Variants in DNMT3A observed in about 807,000 individuals in gnomAD.
The protein encoded by DNMT3A is DNA (cytosine-5)-methyltransferase 3A.
In DNMT3A, 267 loss-of-function variants were observed where a neutral mutation model predicts 117.6. The ratio of observed to expected loss-of-function variants is 2.27; its 90% confidence interval spans 2.05 to 2.51. The LOEUF is 2.51. DNMT3A is among the 30% of genes most tolerant of loss of function. The pLI is 0.00. For missense variants in DNMT3A, 1,029 were observed against 1,260.2 expected, an observed-to-expected ratio of 0.82 and a Z score of 2.78; for synonymous variants, 432 against 474.8, an observed-to-expected ratio of 0.91 and a Z score of 1.17.
Position 25,282,917 on chromosome 2 carries a change from G to C in DNMT3A, c.178-206C>G, listed in dbSNP as rs1226216047. Among the ~76,000 whole-genome samples the C allele has an allele frequency of 6.6e-6, 1 of 152,112 alleles. No homozygotes were observed. Among genetic ancestry groups the C allele is most frequent in the Non-Finnish European group, 1.5e-5 (1 of 68,026 alleles). On this transcript the variant is annotated intron_variant, in intron 3 of 22. Transcript: ENST00000321117. This position sits in a 1 kb window ranked among gnomAD's most constrained non-coding sequence, Gnocchi z 5.2. The stretch of plus-strand genomic sequence containing the variant: ...CCTGGGCTTGACCCCTTGAAATCAC[G>C]AGTCTGTGGACTCCAGCTTCAGAAA...
chr2:25,326,108 ATGTGTG>A (rs61521265), intron 1 of DNMT3A, among the ~76,000 whole-genome samples: 6,599 of 142,286 alleles, frequency 0.046, 170 homozygotes, highest in African/African-American at 0.056. Context: ...CTTGATATAT[ATGTGTG>A]TGTGTGTGTG....
chr2:25,318,270 G>A (rs887263327), intron 1 of DNMT3A, among the ~76,000 whole-genome samples: 3 of 152,030 alleles, frequency 2.0e-5, no homozygotes, highest in African/African-American at 7.3e-5. Flanking sequence ...CAGAGCTTCC[G>A]ATCAGTTGGG....
rs897595580 is a variant in DNMT3A, at chr2:25,230,460, C to T, written c.*3819G>A. 2.0e-5 allele frequency: 3 copies of T among 152,330 alleles called. No homozygotes were observed. Among genetic ancestry groups the T allele is most frequent in the Admixed American group, 6.5e-5 (1 of 15,300 alleles). 9.4% of individuals were successfully genotyped at this position (152,330 alleles called of 1,614,324 possible). ...GGAAGCTGTCATCAGCCCCCAGAAC[C>T]CTTGTTTCTAAGGGGGAAATGGGCC... On this transcript the variant is annotated 3_prime_UTR_variant, in exon 23 of 23. Transcript: ENST00000321117.
At chr2:25,332,185 C>T (rs146392433) in intron 1 of DNMT3A, among the ~76,000 whole-genome samples, 155 of 152,336 alleles carry the variant, frequency 1.0e-3, no homozygotes, top group Non-Finnish European at 1.6e-3. Context: ...CCAAGCCCAA[C>T]GTCCGTTCAT....
intron 1 of DNMT3A, among the ~76,000 whole-genome samples, chr2:25,333,339 T>C (rs1288322249): frequency 6.6e-6 from 1 of 151,674 alleles, no homozygotes. Context: ...TTTTTTTTTT[T>C]TTTCTTTTGA....
At chr2:25,292,716 C>T (rs927893957) in intron 3 of DNMT3A, among the ~76,000 whole-genome samples, 1 of 152,082 alleles carries the variant, frequency 6.6e-6, no homozygotes, top group Non-Finnish European at 1.5e-5. Context: ...CAATTTAGTG[C>T]CCTTCTCTGG....
chr2:25,301,413 C>T (rs560996566), intron 2 of DNMT3A, among the ~76,000 whole-genome samples: 3 of 152,306 alleles, frequency 2.0e-5, no homozygotes, highest in East Asian at 1.9e-4. Context: ...GCTGGCACCG[C>T]GCATGCCTGT....
At position 25,247,737 on chromosome 2, in the gene DNMT3A, A is replaced by T; in HGVS notation, c.868T>A (p.Phe290Ile). The change falls in exon 8 of 23, where the codon TTT (phenylalanine) becomes ATT (isoleucine). Residue 290 changes from phenylalanine (F) to isoleucine (I), a missense_variant. By Grantham distance (21) the Phe-to-Ile change is conservative. Transcript: ENST00000321117. The surrounding 1 kb of genome is among the most constrained non-coding windows in gnomAD (Gnocchi z 5.6). ...DEPEYEDGRG[F>I]GIGELVWGKL... ...CCCCACACCAGCTCCCCAATGCCAA[A>T]GCCCCGGCCGTCCTGGAGCCCCAAG... The T allele has an allele frequency of 6.2e-7, 1 of 1,612,640 alleles. No homozygotes were observed. The highest frequency in any genetic ancestry group is 8.5e-7 in the Non-Finnish European group (1 of 1,179,978).
intron 6 of DNMT3A, chr2:25,251,807 G>T: frequency 3.4e-6 from 1 of 292,380 alleles, no homozygotes; most frequent in Non-Finnish European, 6.4e-6. Context: ...AGCCAGAAAC[G>T]CAGGTCACCA....
intron 1 of DNMT3A, among the ~76,000 whole-genome samples, chr2:25,338,160 C>T (rs933242261): frequency 3.9e-5 from 6 of 152,162 alleles, no homozygotes; most frequent in African/African-American, 1.2e-4. Context: ...GTGACTGGCA[C>T]GTGAATGGCC....
chr2:25,259,155 C>T (rs1000289067), intron 6 of DNMT3A, among the ~76,000 whole-genome samples: 1 of 152,262 alleles, frequency 6.6e-6, no homozygotes, highest in Admixed American at 6.5e-5. Flanking sequence ...GCTGCCTTCC[C>T]TTTCCCTATA....
chr2:25,241,591 C>A lies in DNMT3A; in HGVS notation c.2053G>T (p.Gly685Trp), dbSNP rs779176507. 1 of 1,613,282 alleles carries A rather than the reference C, an allele frequency of 6.2e-7. No individual in the cohort carries two copies. The highest frequency in any genetic ancestry group is 8.5e-7 in the Non-Finnish European group (1 of 1,179,682). Residue 685 changes from glycine (G) to tryptophan (W), a missense_variant, in exon 17 of 23, where the codon GGG becomes TGG. Transcript: ENST00000321117. ...TTCTGTGTGACGCTGCGGACGTCCC[C>A]GACGTACATGATCTTCCCCTGGTGC... The part of the protein sequence containing the change: ...VRHQGKIMYV[G>W]DVRSVTQKHI...
rs1674503747 is a variant in DNMT3A, at chr2:25,244,569, C to T, written c.1638G>A (p.Val546=). ...YCTICCGGRE[V]LMCGNNNCCR... Reference sequence around the variant, plus strand: ...AGCAGTTGTTGTTTCCGCACATGAGCACCTCACGGCCCCCACAGCAGATGG... The same window carrying T: ...AGCAGTTGTTGTTTCCGCACATGAGTACCTCACGGCCCCCACAGCAGATGG... The change falls in exon 14 of 23, where the codon GTG becomes GTA. Residue 546 remains valine (V), a synonymous_variant. Coordinates refer to ENST00000321117, the MANE Select transcript of DNMT3A (RefSeq NM_022552.5). The T allele has an allele frequency of 6.2e-7, 1 of 1,614,222 alleles. No individual in the cohort carries two copies. The highest frequency in any genetic ancestry group is 8.5e-7 in the Non-Finnish European group (1 of 1,180,032).
intron 1 of DNMT3A, among the ~76,000 whole-genome samples, chr2:25,326,106 ATATG>A (rs1553433334): frequency 1.2e-3 from 129 of 103,348 alleles, no homozygotes; most frequent in South Asian, 4.2e-3. Context: ...AACTTGATAT[ATATG>A]TGTGTGTGTG....
chr2:25,270,826 G>T (rs939090901), intron 6 of DNMT3A, among the ~76,000 whole-genome samples: 1 of 152,196 alleles, frequency 6.6e-6, no homozygotes, highest in South Asian at 2.1e-4. Context: ...GAGAAAAGAG[G>T]AGAAATGTCT....
At position 25,230,927 on chromosome 2, in the gene DNMT3A, G is replaced by C. The variant is rs976731184; in HGVS notation, c.*3352C>G. 1 of 151,782 alleles carries C rather than the reference G, an allele frequency of 6.6e-6. No individual in the cohort carries two copies. The highest frequency in any genetic ancestry group is 2.4e-5 in the African/African-American group (1 of 41,208). The allele number at this position is 151,782 out of a possible 1,614,324, so 9.4% of individuals were successfully genotyped here. On this transcript the variant is annotated 3_prime_UTR_variant, in exon 23 of 23. Coordinates refer to ENST00000321117, the MANE Select transcript of DNMT3A (RefSeq NM_022552.5). ...CCTCTGTGCCCAGCACTCCCTCCTCGAGCAAGCCGGCCCACAGGAATCCCC... is the reference window on the plus strand; with the variant it reads ...CCTCTGTGCCCAGCACTCCCTCCTCCAGCAAGCCGGCCCACAGGAATCCCC...
chr2:25,269,755 C>T (rs754060660), intron 6 of DNMT3A, among the ~76,000 whole-genome samples: 1 of 152,208 alleles, frequency 6.6e-6, no homozygotes, highest in African/African-American at 2.4e-5. Context: ...AGACAGAAGA[C>T]AACAACTTCC....
chr2:25,276,114 T>A (rs1051932824), intron 4 of DNMT3A, among the ~76,000 whole-genome samples: 1 of 152,158 alleles, frequency 6.6e-6, no homozygotes, highest in Non-Finnish European at 1.5e-5. Flanking sequence ...TCTACGAGAC[T>A]CAGTTTCCTC....
Position 25,315,269 on chromosome 2 carries a change from C to A in DNMT3A, c.-177-1108G>T, listed in dbSNP as rs2034324825. On this transcript the variant is annotated intron_variant, in intron 1 of 22. Transcript: ENST00000321117. The stretch of plus-strand genomic sequence containing the variant: ...AGCACAGGCTTGGCTCTCCTACAGG[C>A]CTAGCCCCTTTCTCCAGGGGTGCAT... Among the ~76,000 whole-genome samples the A allele has an allele frequency of 3.9e-5, 6 of 152,354 alleles. No individual in the cohort carries two copies. The South Asian group carries it at 1.0e-3, about 26-fold the overall frequency.
Sources: gnomAD v4.1 joint callset for allele counts (sites outside exome capture counted in the v4.1 genomes callset) on GRCh38, gnomAD v4.1.1 for gene constraint, Gnocchi (gnomAD v3.1) non-coding constraint, MANE v1.5 for transcripts, NCBI Gene and HGNC (gene_info 2026-07-23, HGNC 2026-07-21) for gene names.